Variants in TANC1 observed in about 807,000 individuals in gnomAD.
TANC1 encodes the protein protein TANC1.
A neutral mutation model predicts 149.7 loss-of-function variants in TANC1; 77 were observed. That is an observed-to-expected ratio of 0.51 (90% CI 0.43 to 0.62). The LOEUF (loss-of-function observed/expected upper bound fraction) is 0.62. TANC1 is among the 20% of genes least tolerant of loss of function. The pLI is 0.00. For synonymous variants in TANC1, 854 were observed against 925.0 expected, an observed-to-expected ratio of 0.92 and a Z score of 1.39; for missense variants, 1,985 against 2,321.8, an observed-to-expected ratio of 0.85 and a Z score of 2.98.
chr2:159,068,673 A>G lies in TANC1; in HGVS notation c.61+2702A>G, dbSNP rs146440124. ...ATCTATAGGTAAAACTTTAGCAGGT[A>G]TTGAATTCAAACTATATGTATATAA... On this transcript the variant is annotated intron_variant, in intron 3 of 26. Coordinates refer to ENST00000263635, the MANE Select transcript of TANC1 (RefSeq NM_033394.3). Among the ~76,000 whole-genome samples, 489 of 152,290 alleles carry G rather than the reference A, an allele frequency of 3.2e-3. 1 individual carries two copies. Among genetic ancestry groups the G allele is most frequent in the African/African-American group, 0.011 (455 of 41,576 alleles).
chr2:159,086,588 A>G (rs1022254986), intron 3 of TANC1, among the ~76,000 whole-genome samples: 4 of 152,300 alleles, frequency 2.6e-5, no homozygotes, highest in South Asian at 2.1e-4. Flanking sequence ...CAGGTGTCCA[A>G]TGTGGCAGCT....
chr2:159,133,095 A>G (rs556959275), intron 4 of TANC1, among the ~76,000 whole-genome samples: 2 of 152,158 alleles, frequency 1.3e-5, no homozygotes, highest in East Asian at 3.9e-4. Flanking sequence ...TTGGAAATAG[A>G]TCTCTTTAGA....
chr2:159,009,680 A>G (rs2037571615), intron 2 of TANC1, among the ~76,000 whole-genome samples: 1 of 152,206 alleles, frequency 6.6e-6, no homozygotes, highest in South Asian at 2.1e-4. Flanking sequence ...CTAGTGTCCT[A>G]TAGCAATCTC....
At chr2:159,175,367 C>T (rs770349712) in intron 12 of TANC1, among the ~76,000 whole-genome samples, 183 bp downstream of exon 12, 10 of 152,168 alleles carry the variant, frequency 6.6e-5, no homozygotes, top group South Asian at 2.1e-4. Context: ...GTCGCTCCTA[C>T]ACCACCCCTA....
intron 2 of TANC1, among the ~76,000 whole-genome samples, chr2:159,061,812 A>G (rs527995466): frequency 1.5e-3 from 232 of 152,342 alleles, no homozygotes; most frequent in African/African-American, 5.4e-3. Context: ...ACATTTTCAA[A>G]GACTTATTCT....
chr2:159,053,325 G>A (rs937108082), intron 2 of TANC1, among the ~76,000 whole-genome samples: 5 of 151,856 alleles, frequency 3.3e-5, no homozygotes, highest in Non-Finnish European at 7.4e-5. Context: ...TTGCCCATAT[G>A]CCCTTTCTCA....
At chr2:159,223,343 G>A (rs7600414) in intron 22 of TANC1, among the ~76,000 whole-genome samples, 4,001 of 152,078 alleles carry the variant, frequency 0.026, 162 homozygotes, top group African/African-American at 0.087. Context: ...GGTATAAGGT[G>A]AACATCTTCT....
chr2:159,138,045 A>G (rs1407167201), intron 5 of TANC1, among the ~76,000 whole-genome samples: 1 of 152,180 alleles, frequency 6.6e-6, no homozygotes. Flanking sequence ...AAGTGTTCTT[A>G]TGCTTGGCTG....
intron 4 of TANC1, among the ~76,000 whole-genome samples, chr2:159,123,234 TC>T (rs2049039256): frequency 6.6e-6 from 1 of 152,126 alleles, no homozygotes; most frequent in Non-Finnish European, 1.5e-5. Context: ...CTTCAGGTGC[TC>T]CCTTCCGATG....
At chr2:158,998,973 A>G (rs1398433846) in intron 1 of TANC1, among the ~76,000 whole-genome samples, 1 of 152,156 alleles carries the variant, frequency 6.6e-6, no homozygotes, top group Non-Finnish European at 1.5e-5. Context: ...AAGGACAGAA[A>G]TCACTCCCTG....
intron 18 of TANC1, 75 bp from the exon 19 acceptor site, chr2:159,198,900 C>G (rs569365019): frequency 1.0e-6 from 1 of 1,003,430 alleles, no homozygotes; most frequent in East Asian, 2.4e-5. Flanking sequence ...AACACACTGT[C>G]TCCTTTGATA....
At chr2:159,021,129 C>T (rs2038797931) in intron 2 of TANC1, among the ~76,000 whole-genome samples, 1 of 152,118 alleles carries the variant, frequency 6.6e-6, no homozygotes, top group Non-Finnish European at 1.5e-5. Context: ...AAAGACCGTA[C>T]TTCATTAGAA....
intron 5 of TANC1, among the ~76,000 whole-genome samples, chr2:159,138,032 T>C (rs1454649225): frequency 6.6e-6 from 1 of 152,226 alleles, no homozygotes; most frequent in Admixed American, 6.5e-5. Flanking sequence ...TCTTGACGAA[T>C]GGAAGTGTTC....
intron 1 of TANC1, among the ~76,000 whole-genome samples, chr2:158,978,292 G>A (rs2033925671): frequency 6.6e-6 from 1 of 152,190 alleles, no homozygotes; most frequent in Admixed American, 6.5e-5. Context: ...GGAAGGCAGG[G>A]AGCTCCATGT....
In TANC1 at chr2:159,170,659, C is replaced by A; in HGVS notation, c.1205C>A (p.Thr402Lys). 6.2e-7 allele frequency: 1 copy of A among 1,614,096 alleles called. No homozygotes were observed. The highest frequency in any genetic ancestry group is 8.5e-7 in the Non-Finnish European group (1 of 1,180,036). Residue 402 changes from threonine (T) to lysine (K), a missense_variant, in exon 10 of 27, where the codon ACA becomes AAA. Physicochemically the swap from Thr to Lys is moderately conservative, Grantham distance 78 (BLOSUM62 -1). Around this residue, in one of 3 missense-constraint regions of TANC1, gnomAD observed 557 missense variants for 612.9 expected, o/e 0.91. Coordinates refer to ENST00000263635, the MANE Select transcript of TANC1 (RefSeq NM_033394.3). The stretch of plus-strand genomic sequence containing the variant: ...CAGATAGAAGAAAACTTGAGGAACA[C>A]AGAACTGGCAGAAAACAGAGGCGCG... ...FHQIEENLRN[T>K]ELAENRGAVV...
chr2:159,047,367 A>T (rs2041149756), intron 2 of TANC1, among the ~76,000 whole-genome samples: 1 of 152,068 alleles, frequency 6.6e-6, no homozygotes, highest in Non-Finnish European at 1.5e-5. Flanking sequence ...ATTACATTTT[A>T]TCTTAATTTC....
intron 1 of TANC1, among the ~76,000 whole-genome samples, chr2:158,981,332 G>C (rs1045291561): frequency 1.1e-4 from 17 of 151,280 alleles, no homozygotes; most frequent in African/African-American, 4.1e-4. Flanking sequence ...GTTCAAGCCT[G>C]TATGTAGTCC....
chr2:159,181,923 G>A (rs924146988), intron 14 of TANC1, among the ~76,000 whole-genome samples: 3 of 152,134 alleles, frequency 2.0e-5, no homozygotes, highest in African/African-American at 7.2e-5. Flanking sequence ...GAGTCTGGCC[G>A]GGTGCGGTGG....
intron 2 of TANC1, among the ~76,000 whole-genome samples, chr2:159,065,162 A>C (rs2042550296): frequency 6.6e-6 from 1 of 152,114 alleles, no homozygotes; most frequent in South Asian, 2.1e-4. Flanking sequence ...TTCATGTTTC[A>C]TCTTAGACCT....
Sources: allele counts gnomAD v4.1 joint callset (sites outside exome capture counted in the v4.1 genomes callset), GRCh38; gene constraint gnomAD v4.1.1; regional missense constraint gnomAD v4.1.1; transcripts MANE v1.5; gene names NCBI Gene and HGNC (gene_info 2026-07-23, HGNC 2026-07-21).